The following GPM6A variants were observed in gnomAD, a reference collection of about 807,000 sequenced individuals.
GPM6A encodes the protein glycoprotein M6A, also known as neuronal membrane glycoprotein M6-a.
GPM6A carries 7 observed loss-of-function variants against 32.1 expected under a neutral mutation model. The observed-to-expected ratio is 0.22, with a 90% CI of 0.12 to 0.41. The LOEUF (loss-of-function observed/expected upper bound fraction) is 0.41. Ranked by LOEUF, GPM6A falls within the 10% of genes least tolerant of loss-of-function variation. The pLI is 1.00. For missense variants in GPM6A, 235 were observed against 347.2 expected, an observed-to-expected ratio of 0.68 and a Z score of 2.57; for synonymous variants, 130 against 123.4, an observed-to-expected ratio of 1.05 and a Z score of -0.35.
chr4:175,729,786 A>ATAT (rs369378119), intron 1 of GPM6A, among the ~76,000 whole-genome samples: 12,523 of 133,818 alleles, frequency 0.094, 816 homozygotes, highest in East Asian at 0.31. Flanking sequence ...TATTTATAAT[A>ATAT]TATTATCTAT....
chr4:175,969,283 G>A (rs557919383), intron 1 of GPM6A, among the ~76,000 whole-genome samples: 4 of 152,282 alleles, frequency 2.6e-5, no homozygotes, highest in South Asian at 4.1e-4. Context: ...GCAGAGCACA[G>A]GGGATTCTTA....
chr4:175,920,977 A>T (rs1473364329), intron 1 of GPM6A, among the ~76,000 whole-genome samples: 2 of 152,200 alleles, frequency 1.3e-5, no homozygotes, highest in African/African-American at 2.4e-5. Context: ...ATGCTTCTAC[A>T]ATAGATGAGG....
At position 175,634,880 on chromosome 4, in the gene GPM6A, T is replaced by C. The variant is rs1444494499; in HGVS notation, c.*25A>G. The C allele has an allele frequency of 1.9e-6, 3 of 1,603,840 alleles. No individual in the cohort carries two copies. The highest frequency in any genetic ancestry group is 1.7e-4 in the Middle Eastern group (1 of 6,046). On this transcript the variant is annotated 3_prime_UTR_variant, in exon 7 of 7. Transcript: ENST00000393658. ...TTAGTTAAACACCAATGCATTCAAA[T>C]GGTAGAAAGAACAGGAAGATGCATT...
Position 175,763,820 on chromosome 4 carries a change from A to G in GPM6A, c.37+48371T>C, listed in dbSNP as rs543569832. ...TTTATTCTCCAGTGAAAAATTTTCAATGTTTTAAATCCTAAACTACTGCTG... is the reference window on the plus strand; with the variant it reads ...TTTATTCTCCAGTGAAAAATTTTCAGTGTTTTAAATCCTAAACTACTGCTG... On this transcript the variant is annotated intron_variant, in intron 1 of 6. Transcript: ENST00000393658. Among the ~76,000 whole-genome samples, 3 of 152,314 alleles carry G rather than the reference A, an allele frequency of 2.0e-5. No individual in the cohort carries two copies. The East Asian group carries it at 5.8e-4, about 29-fold the overall frequency.
chr4:175,747,743 T>C (rs886464733), intron 1 of GPM6A, among the ~76,000 whole-genome samples: 1 of 152,160 alleles, frequency 6.6e-6, no homozygotes, highest in East Asian at 1.9e-4. Context: ...TGGTGGTTGC[T>C]GAAGGTTAGG....
At chr4:175,984,034 C>CAT (rs924440993) in intron 1 of GPM6A, among the ~76,000 whole-genome samples, 4 of 151,992 alleles carry the variant, frequency 2.6e-5, no homozygotes, top group African/African-American at 9.7e-5. Flanking sequence ...CACACACACA[C>CAT]ACACACTCAC....
chr4:175,681,008 A>G (rs2111006611), intron 2 of GPM6A, among the ~76,000 whole-genome samples: 1 of 152,300 alleles, frequency 6.6e-6, no homozygotes, highest in Non-Finnish European at 1.5e-5. Flanking sequence ...AAAATCTCCA[A>G]TGCTTACTTA....
At chr4:175,903,418 G>C (rs1738030016) in intron 1 of GPM6A, among the ~76,000 whole-genome samples, 1 of 152,030 alleles carries the variant, frequency 6.6e-6, no homozygotes, top group South Asian at 2.1e-4. Context: ...TGAAGCTAAA[G>C]CTAATTAGGT....
At chr4:175,876,370 T>A (rs1276654711) in intron 1 of GPM6A, among the ~76,000 whole-genome samples, 2 of 152,196 alleles carry the variant, frequency 1.3e-5, no homozygotes, top group Non-Finnish European at 2.9e-5. Context: ...ATTAAATGCA[T>A]TAGATTTAAA....
chr4:175,637,011 TA>T (rs1286532389), intron 6 of GPM6A, among the ~76,000 whole-genome samples: 1 of 82,754 alleles, frequency 1.2e-5, no homozygotes, highest in Non-Finnish European at 2.2e-5. Context: ...TATATTTATA[TA>T]AAAATATATA....
intron 4 of GPM6A, among the ~76,000 whole-genome samples, chr4:175,648,031 A>C (rs1349205605): frequency 1.3e-5 from 2 of 152,200 alleles, no homozygotes; most frequent in African/African-American, 4.8e-5. Flanking sequence ...TGTTGTAAAC[A>C]TTGGTAAGCT....
At chr4:175,882,070 A>C (rs1451097155) in intron 1 of GPM6A, among the ~76,000 whole-genome samples, 1 of 152,002 alleles carries the variant, frequency 6.6e-6, no homozygotes, top group East Asian at 1.9e-4. Flanking sequence ...GTTTAGATTA[A>C]TTATTTGTTA....
chr4:175,818,427 A>C (rs1031476835), intron 1 of GPM6A, among the ~76,000 whole-genome samples: 9 of 152,358 alleles, frequency 5.9e-5, no homozygotes, highest in African/African-American at 2.2e-4. Context: ...TGCAATATAC[A>C]TATAGATATA....
At chr4:175,812,132 C>A in intron 1 of GPM6A, 59 bp downstream of exon 1, 1 of 1,322,542 alleles carries the variant, frequency 7.6e-7, no homozygotes, top group Non-Finnish European at 1.1e-6. Context: ...GTGTCTAAAG[C>A]AAACAAGGAA....
At chr4:175,952,838 C>G (rs1056159848) in intron 1 of GPM6A, among the ~76,000 whole-genome samples, 1 of 151,888 alleles carries the variant, frequency 6.6e-6, no homozygotes, top group Admixed American at 6.6e-5. Flanking sequence ...TTGAGCCCCA[C>G]AGTTCAAGAC....
intron 1 of GPM6A, among the ~76,000 whole-genome samples, chr4:175,743,572 A>G (rs1054892637): frequency 6.6e-6 from 1 of 152,058 alleles, no homozygotes; most frequent in African/African-American, 2.4e-5. Flanking sequence ...AATGCACTAA[A>G]TACTTCAATT....
chr4:175,991,277 T>C (rs1369600671), intron 1 of GPM6A, among the ~76,000 whole-genome samples: 1 of 149,996 alleles, frequency 6.7e-6, no homozygotes, highest in African/African-American at 2.5e-5. Context: ...AGTTTCACCA[T>C]GTTGGCCAGG....
At chr4:175,672,998 A>T (rs1743165838) in intron 3 of GPM6A, among the ~76,000 whole-genome samples, 1 of 152,094 alleles carries the variant, frequency 6.6e-6, no homozygotes, top group African/African-American at 2.4e-5. Context: ...AATTAGACAC[A>T]TGTTGTTACA....
chr4:175,924,478 A>G (rs1470618493), intron 1 of GPM6A, among the ~76,000 whole-genome samples: 1 of 152,066 alleles, frequency 6.6e-6, no homozygotes, highest in Non-Finnish European at 1.5e-5. Flanking sequence ...ATGGGAAAGG[A>G]TAGGTGAGGT....
Sources: allele counts gnomAD v4.1 joint callset (sites outside exome capture counted in the v4.1 genomes callset), GRCh38; gene constraint gnomAD v4.1.1; transcripts MANE v1.5; gene names NCBI Gene and HGNC (gene_info 2026-07-23, HGNC 2026-07-21).